SGK3: variants seen among roughly 807,000 people sequenced by gnomAD.
SGK3 encodes serum/glucocorticoid regulated kinase family member 3.
Under a neutral mutation model 68.5 loss-of-function variants are expected in SGK3, and 47 were observed. That is an observed-to-expected ratio of 0.69 (90% CI 0.54 to 0.87). The LOEUF is 0.87. Among genes scored for constraint, SGK3 ranks in the 40% least tolerant of loss-of-function variants. The pLI is 0.00. For missense variants in SGK3, 479 were observed against 575.5 expected (o/e 0.83, Z 1.72); for synonymous variants, 181 against 189.1 (o/e 0.96, Z 0.35).
At chr8:66,828,050 G>C (rs930982222) in intron 6 of SGK3, among the ~76,000 whole-genome samples, 2 of 151,978 alleles carry the variant, frequency 1.3e-5, no homozygotes, top group African/African-American at 4.8e-5. Context: ...CGTGAAGCGG[G>C]GAGGCGGAGC....
intron 1 of SGK3, among the ~76,000 whole-genome samples, chr8:66,719,325 T>C (rs1347726109): frequency 6.6e-6 from 1 of 151,776 alleles, no homozygotes; most frequent in Admixed American, 6.6e-5. Flanking sequence ...TATTTGTTTG[T>C]TTGTTTGTTT....
At chr8:66,811,485 A>G (rs1232712908) in intron 4 of SGK3, among the ~76,000 whole-genome samples, 2 of 152,124 alleles carry the variant, frequency 1.3e-5, no homozygotes, top group African/African-American at 2.4e-5. Context: ...CTTACCTGGA[A>G]TTTTTTCAGA....
intron 1 of SGK3, among the ~76,000 whole-genome samples, chr8:66,787,451 A>G (rs1427984981): frequency 6.6e-6 from 1 of 152,190 alleles, no homozygotes; most frequent in African/African-American, 2.4e-5. Context: ...ATCCTTCCCT[A>G]AGGGCTGTCT....
intron 1 of SGK3, among the ~76,000 whole-genome samples, chr8:66,715,914 G>A (rs1453841378): frequency 2.0e-5 from 3 of 152,184 alleles, no homozygotes; most frequent in Non-Finnish European, 4.4e-5. Context: ...GCCAGACTGA[G>A]TCATCTGCCT....
intron 1 of SGK3, among the ~76,000 whole-genome samples, chr8:66,723,112 TATATA>T (rs1804856565): frequency 2.0e-5 from 1 of 50,746 alleles, no homozygotes; most frequent in African/African-American, 8.3e-5. Context: ...TATATATATA[TATATA>T]TATATATATA....
chr8:66,853,131 T>C (rs1232469148), intron 16 of SGK3, among the ~76,000 whole-genome samples: 1 of 152,234 alleles, frequency 6.6e-6, no homozygotes, highest in East Asian at 1.9e-4. Flanking sequence ...AGATATTTAA[T>C]TAATAATACC....
chr8:66,792,602 G>A (rs1412244075), intron 1 of SGK3, among the ~76,000 whole-genome samples: 1 of 152,092 alleles, frequency 6.6e-6, no homozygotes, highest in African/African-American at 2.4e-5. Context: ...ATTTAGTCTG[G>A]GTGCGGTGGC....
At chr8:66,857,802 T>TGTGTGTG (rs1810583494) in intron 16 of SGK3, among the ~76,000 whole-genome samples, 2 of 105,006 alleles carry the variant, frequency 1.9e-5, no homozygotes, top group South Asian at 5.8e-4. Context: ...TGTGTGTATG[T>TGTGTGTG]GTGTGTGTGT....
chr8:66,854,604 G>A (rs1257468663), intron 16 of SGK3, among the ~76,000 whole-genome samples: 1 of 152,050 alleles, frequency 6.6e-6, no homozygotes, highest in African/African-American at 2.4e-5. Context: ...TCTTATTAAT[G>A]GTTGTTAAAA....
At chr8:66,773,981 G>A (rs1346561517) in intron 1 of SGK3, among the ~76,000 whole-genome samples, 2 of 152,210 alleles carry the variant, frequency 1.3e-5, no homozygotes, top group Non-Finnish European at 2.9e-5. Context: ...TTGAATGAGT[G>A]ATGCCGGAGA....
intron 1 of SGK3, among the ~76,000 whole-genome samples, chr8:66,741,529 G>A (rs868300166): frequency 3.3e-5 from 5 of 151,844 alleles, no homozygotes; most frequent in African/African-American, 9.7e-5. Flanking sequence ...CAGCCTGGAC[G>A]ACAGAGCAAG....
chr8:66,768,929 T>C (rs150660945), intron 1 of SGK3, among the ~76,000 whole-genome samples: 32 of 152,318 alleles, frequency 2.1e-4, no homozygotes, highest in Admixed American at 1.1e-3. Context: ...TTCCTCCATA[T>C]ATAACATGTC....
At chr8:66,788,991 A>G (rs1033558086) in intron 1 of SGK3, among the ~76,000 whole-genome samples, 19 of 152,170 alleles carry the variant, frequency 1.2e-4, no homozygotes, top group African/African-American at 4.1e-4. Context: ...AGGTGAGACA[A>G]TGAAGGTATA....
chr8:66,818,019 T>A (rs1384880000), intron 5 of SGK3, among the ~76,000 whole-genome samples: 1 of 152,066 alleles, frequency 6.6e-6, no homozygotes, highest in African/African-American at 2.4e-5. Flanking sequence ...GCTGAGGTAG[T>A]GAGGTAGGAG....
chr8:66,832,329 T>C (rs1430896254), intron 8 of SGK3, among the ~76,000 whole-genome samples: 1 of 152,210 alleles, frequency 6.6e-6, no homozygotes, highest in Non-Finnish European at 1.5e-5. Flanking sequence ...CTTCAGTCTT[T>C]AGTAAAAATG....
intron 8 of SGK3, 76 bp downstream of exon 8, chr8:66,831,387 T>G (rs1236396905): frequency 6.4e-7 from 1 of 1,559,376 alleles, no homozygotes; most frequent in African/African-American, 1.4e-5. Context: ...CACTCTGTTG[T>G]CCAGGCTGGA....
chr8:66,786,761 G>A (rs148614915), intron 1 of SGK3, among the ~76,000 whole-genome samples: 130 of 152,082 alleles, frequency 8.5e-4, no homozygotes, highest in Middle Eastern at 6.8e-3. Flanking sequence ...TTCCATACCT[G>A]CCTGGCTTTA....
intron 5 of SGK3, among the ~76,000 whole-genome samples, chr8:66,821,853 C>T (rs1267034557): frequency 6.6e-6 from 1 of 151,906 alleles, no homozygotes; most frequent in Non-Finnish European, 1.5e-5. Flanking sequence ...CTATGGTTTA[C>T]CCCAAAAATT....
chr8:66,762,865 C>T (rs1195727203), intron 1 of SGK3, among the ~76,000 whole-genome samples: 2 of 152,196 alleles, frequency 1.3e-5, no homozygotes, highest in Non-Finnish European at 2.9e-5. Context: ...ACTTCTGACC[C>T]CTGCAGTCCC....
Sources: allele counts gnomAD v4.1 joint callset (sites outside exome capture counted in the v4.1 genomes callset), GRCh38; gene constraint gnomAD v4.1.1; transcripts MANE v1.5; gene names NCBI Gene and HGNC (gene_info 2026-07-23, HGNC 2026-07-21).